The following PPFIA2 variants were observed in gnomAD, a reference collection of about 807,000 sequenced individuals.
PPFIA2 encodes the protein PPFI scaffold protein A2, also known as liprin-alpha-2.
PPFIA2 carries 46 observed loss-of-function variants against 175.5 expected under a neutral mutation model. The ratio of observed to expected loss-of-function variants is 0.26; its 90% CI spans 0.21 to 0.34. The LOEUF (loss-of-function observed/expected upper bound fraction) is 0.34. Ranked by LOEUF, PPFIA2 falls within the 10% of genes least tolerant of loss-of-function variation. The pLI is 1.00. For missense variants in PPFIA2, 1,179 were observed against 1,506.1 expected (o/e 0.78, Z 3.60); for synonymous variants, 568 against 511.4 (o/e 1.11, Z -1.49).
intron 4 of PPFIA2, among the ~76,000 whole-genome samples, chr12:81,570,241 G>GT (rs1003550837): frequency 1.3e-5 from 2 of 152,120 alleles, no homozygotes; most frequent in Non-Finnish European, 2.9e-5. Context: ...AAGAGATGCT[G>GT]TTTTTTGACT....
At chr12:81,758,646 C>T in intron 1 of PPFIA2, 139 bp from the exon 2 acceptor site, 1 of 332,690 alleles carries the variant, frequency 3.0e-6, no homozygotes, top group South Asian at 2.3e-5. Context: ...AAGCGTCCAT[C>T]GGAAAAATGG....
intron 4 of PPFIA2, among the ~76,000 whole-genome samples, chr12:81,617,113 G>A (rs1246427049): frequency 6.6e-6 from 1 of 151,976 alleles, no homozygotes; most frequent in Non-Finnish European, 1.5e-5. Flanking sequence ...AACTTACTAG[G>A]GCATTTGCAA....
chr12:81,487,242 G>A (rs1230260972), intron 4 of PPFIA2, among the ~76,000 whole-genome samples: 3 of 151,844 alleles, frequency 2.0e-5, no homozygotes, highest in Non-Finnish European at 4.4e-5. Flanking sequence ...TAGCAAGGAG[G>A]TTAAAGTCTC....
chr12:81,615,938 G>A (rs1375290582), intron 4 of PPFIA2, among the ~76,000 whole-genome samples: 1 of 152,124 alleles, frequency 6.6e-6, no homozygotes, highest in Admixed American at 6.6e-5. Flanking sequence ...GAGTAGATGA[G>A]AAGAGAAAGA....
chr12:81,413,620 T>C (rs1351236451), intron 7 of PPFIA2, among the ~76,000 whole-genome samples: 1 of 151,824 alleles, frequency 6.6e-6, no homozygotes, highest in African/African-American at 2.4e-5. Context: ...AAACTCAAAG[T>C]AATAGGCAAT....
chr12:81,690,060 G>A (rs2075037182), intron 3 of PPFIA2, among the ~76,000 whole-genome samples: 1 of 152,056 alleles, frequency 6.6e-6, no homozygotes, highest in Non-Finnish European at 1.5e-5. Flanking sequence ...GTATGTACTG[G>A]TTTCAGTAAA....
In PPFIA2 at chr12:81,711,275, T is replaced by C. The variant is rs112662306; in HGVS notation, c.250-34431A>G. ...ATGAAATATTCAACCAACATATAAT[T>C]AATTGTTATGGGAGCTATAAATAGA... On this transcript the variant is annotated intron_variant, in intron 3 of 32. Transcript: ENST00000549396. 5.3e-5 allele frequency among the ~76,000 whole-genome samples: 8 copies of C among 151,428 alleles called. 1 individual carries two copies. The highest frequency in any genetic ancestry group is 1.9e-4 in the African/African-American group (8 of 41,520).
intron 2 of PPFIA2, 60 bp from the exon 3 acceptor site, chr12:81,754,283 T>G: frequency 1.3e-6 from 2 of 1,521,204 alleles, no homozygotes; most frequent in Non-Finnish European, 1.8e-6. Flanking sequence ...TAATTTCATT[T>G]GGAGAGCAAT....
chr12:81,468,761 T>C (rs910540610), intron 4 of PPFIA2, among the ~76,000 whole-genome samples: 2 of 152,190 alleles, frequency 1.3e-5, no homozygotes, highest in Non-Finnish European at 2.9e-5. Context: ...AGTTGTAAAA[T>C]CTATTGAAAC....
intron 4 of PPFIA2, among the ~76,000 whole-genome samples, chr12:81,536,528 A>G (rs541133033): frequency 2.0e-5 from 3 of 151,184 alleles, no homozygotes; most frequent in Admixed American, 6.6e-5. Context: ...ACTTTTCCTT[A>G]AAGTTCCAAA....
chr12:81,657,184 C>T (rs1287427792), intron 4 of PPFIA2, among the ~76,000 whole-genome samples: 1 of 152,154 alleles, frequency 6.6e-6, no homozygotes, highest in Non-Finnish European at 1.5e-5. Flanking sequence ...AGACATAGCT[C>T]CCCTGGGAAG....
chr12:81,517,381 T>C (rs966028624), intron 4 of PPFIA2, among the ~76,000 whole-genome samples: 17 of 152,150 alleles, frequency 1.1e-4, no homozygotes, highest in Admixed American at 1.1e-3. Flanking sequence ...AGGAAGGATA[T>C]GTAGCTGTAG....
chr12:81,717,364 T>G (rs1429304664), intron 3 of PPFIA2, among the ~76,000 whole-genome samples: 1 of 151,672 alleles, frequency 6.6e-6, no homozygotes, highest in East Asian at 1.9e-4. Flanking sequence ...GGCCCATAGA[T>G]CATAGTTTGC....
chr12:81,557,714 T>C (rs2153383680), intron 4 of PPFIA2, among the ~76,000 whole-genome samples: 1 of 152,216 alleles, frequency 6.6e-6, no homozygotes, highest in South Asian at 2.1e-4. Flanking sequence ...AGCTAATTCA[T>C]AAAAATACAC....
At chr12:81,741,623 A>AT (rs1249063016) in intron 3 of PPFIA2, among the ~76,000 whole-genome samples, 6 of 94,872 alleles carry the variant, frequency 6.3e-5, no homozygotes, top group South Asian at 4.3e-4. Flanking sequence ...ACATTATGAG[A>AT]TTTTTTTGGT....
intron 5 of PPFIA2, among the ~76,000 whole-genome samples, chr12:81,449,488 C>CAA (rs552912790): frequency 0.1 from 9,319 of 92,292 alleles, 432 homozygotes; most frequent in Middle Eastern, 0.16. Flanking sequence ...TTACTTCAGA[C>CAA]AAAAAAAAAA....
chr12:81,389,579 A>G (rs910787844), intron 8 of PPFIA2, among the ~76,000 whole-genome samples: 1 of 151,972 alleles, frequency 6.6e-6, no homozygotes, highest in African/African-American at 2.4e-5. Context: ...ATTTGTTCTC[A>G]TTACCTTAAA....
intron 15 of PPFIA2, among the ~76,000 whole-genome samples, chr12:81,361,772 C>A (rs1415460362): frequency 6.6e-6 from 1 of 151,456 alleles, no homozygotes; most frequent in Non-Finnish European, 1.5e-5. Flanking sequence ...GTGGAGTTAA[C>A]TTTCTAAAGA....
At chr12:81,599,717 G>A (rs146555793) in intron 4 of PPFIA2, among the ~76,000 whole-genome samples, 4 of 151,972 alleles carry the variant, frequency 2.6e-5, no homozygotes, top group African/African-American at 9.6e-5. Context: ...TTGTATTTTA[G>A]GTTCAAATTC....
Sources: allele counts gnomAD v4.1 joint callset (sites outside exome capture counted in the v4.1 genomes callset), GRCh38; gene constraint gnomAD v4.1.1; transcripts MANE v1.5; gene names NCBI Gene and HGNC (gene_info 2026-07-23, HGNC 2026-07-21).